MMP26: variants seen among roughly 807,000 people sequenced by gnomAD.
MMP26 encodes matrix metallopeptidase 26.
A neutral mutation model predicts 31.0 loss-of-function variants in MMP26; 33 were observed. The observed-to-expected ratio is 1.06, with a 90% CI of 0.81 to 1.42. The LOEUF (loss-of-function observed/expected upper bound fraction) is 1.42, where lower values mean the gene tolerates loss of function less well. Among genes scored for constraint, MMP26 ranks in the 40% most tolerant of loss-of-function variants. The pLI, the probability that MMP26 is intolerant of heterozygous loss-of-function variation, is 0.00. For synonymous variants in MMP26, 122 were observed against 114.9 expected, an observed-to-expected ratio of 1.06 and a Z score of -0.40; for missense variants, 347 against 316.1, an observed-to-expected ratio of 1.10 and a Z score of -0.74.
chr11:4,849,112 A>G (rs535844795), intron 2 of MMP26: 1 of 1,614,104 alleles, frequency 6.2e-7, no homozygotes, highest in South Asian at 1.1e-5. Context: ...GTCCACCAGG[A>G]GGGTGCACCT....
chr11:4,763,707 G>T (rs1156813639), intron 1 of MMP26, among the ~76,000 whole-genome samples: 1 of 152,100 alleles, frequency 6.6e-6, no homozygotes, highest in Non-Finnish European at 1.5e-5. Context: ...CTTAGTTTTG[G>T]CTAATGGGTT....
intron 2 of MMP26, among the ~76,000 whole-genome samples, chr11:4,906,605 G>T (rs565578774): frequency 1.3e-5 from 2 of 151,920 alleles, no homozygotes; most frequent in Non-Finnish European, 2.9e-5. Context: ...CCAAATATTC[G>T]CAGTGATCTC....
At chr11:4,859,953 G>A (rs779325810) in intron 2 of MMP26, 25 of 470,934 alleles carry the variant, frequency 5.3e-5, no homozygotes, top group Admixed American at 9.4e-5. Flanking sequence ...TGAAGATGAC[G>A]ACGATGAGGC....
At chr11:4,813,585 G>A (rs1171411810) in intron 2 of MMP26, among the ~76,000 whole-genome samples, 1 of 151,666 alleles carries the variant, frequency 6.6e-6, no homozygotes, top group Non-Finnish European at 1.5e-5. Context: ...ATGTTTTTAT[G>A]GTGCTAGAAC....
intron 2 of MMP26, among the ~76,000 whole-genome samples, chr11:4,808,114 A>C (rs1407550457): frequency 6.6e-6 from 1 of 152,074 alleles, no homozygotes; most frequent in Non-Finnish European, 1.5e-5. Context: ...CCCAAATTTT[A>C]TTGTTTCTAA....
At chr11:4,972,459 T>C (rs1014162532) in intron 2 of MMP26, among the ~76,000 whole-genome samples, 4 of 152,192 alleles carry the variant, frequency 2.6e-5, no homozygotes, top group African/African-American at 9.7e-5. Flanking sequence ...CATGTATGCA[T>C]GTTAGTTTTT....
chr11:4,945,473 A>C (rs1237904473), intron 2 of MMP26: 1 of 151,268 alleles, frequency 6.6e-6, no homozygotes, highest in Non-Finnish European at 1.5e-5. Flanking sequence ...TATTTCTAAC[A>C]AAGGAAGAGT....
intron 2 of MMP26, among the ~76,000 whole-genome samples, chr11:4,975,678 T>G (rs1846727544): frequency 2.0e-5 from 3 of 152,024 alleles, no homozygotes; most frequent in African/African-American, 7.3e-5. Context: ...CACAGCCAGT[T>G]CAGGCTTCAC....
chr11:4,779,907 C>T (rs1353860890), intron 2 of MMP26, among the ~76,000 whole-genome samples: 2 of 152,028 alleles, frequency 1.3e-5, no homozygotes, highest in African/African-American at 4.8e-5. Flanking sequence ...TATTTTTTTC[C>T]AGTAACTGAA....
chr11:4,718,371 G>A (rs1847964756), intron 1 of MMP26, among the ~76,000 whole-genome samples: 1 of 152,120 alleles, frequency 6.6e-6, no homozygotes, highest in African/African-American at 2.4e-5. Flanking sequence ...TGCTCTCTTT[G>A]TTTTTGTGCA....
intron 2 of MMP26, among the ~76,000 whole-genome samples, chr11:4,790,523 G>C (rs1192764281): frequency 5.3e-5 from 8 of 152,142 alleles, no homozygotes; most frequent in Non-Finnish European, 4.4e-5. Flanking sequence ...ATTTCTTCCA[G>C]AAGAAGGTAT....
At chr11:4,750,719 T>C (rs1848436856) in intron 1 of MMP26, among the ~76,000 whole-genome samples, 1 of 151,934 alleles carries the variant, frequency 6.6e-6, no homozygotes, top group South Asian at 2.1e-4. Context: ...GGATAAATAA[T>C]GTGCACATAT....
chr11:4,818,480 CTGTCTT>C (rs139283719), intron 2 of MMP26, among the ~76,000 whole-genome samples: 1,863 of 151,766 alleles, frequency 0.012, 38 homozygotes, highest in African/African-American at 0.041. Flanking sequence ...ATTTTCTTGA[CTGTCTT>C]TGAAAAAAAG....
intron 1 of MMP26, among the ~76,000 whole-genome samples, chr11:4,745,082 G>T (rs1343720251): frequency 1.3e-5 from 2 of 151,968 alleles, no homozygotes; most frequent in African/African-American, 4.8e-5. Context: ...ATTAAAATTC[G>T]ATGTTATGAA....
At chr11:4,754,969 A>G (rs1206238748) in intron 1 of MMP26, among the ~76,000 whole-genome samples, 1 of 151,952 alleles carries the variant, frequency 6.6e-6, no homozygotes, top group East Asian at 1.9e-4. Context: ...TAATAGCTCT[A>G]TGGTAGCTCT....
rs1846490913 is a variant in MMP26 at position 4,959,424 on chromosome 11, C to T, written c.-144-28644C>T. On this transcript the variant is annotated intron_variant, in intron 2 of 7. Transcript: ENST00000380390. Reference sequence around the variant, plus strand: ...TATGAGTTTGACCATTCTGTCTTCTCTTAATAAAAGTCAGAAAAATCTTCC... The same window carrying T: ...TATGAGTTTGACCATTCTGTCTTCTTTTAATAAAAGTCAGAAAAATCTTCC... 2.0e-5 allele frequency among the ~76,000 whole-genome samples: 3 copies of T among 152,188 alleles called. No homozygotes were observed. The South Asian group carries it at 6.2e-4, about 32-fold the overall frequency.
chr11:4,906,452 G>A (rs879896232), intron 2 of MMP26, among the ~76,000 whole-genome samples: 5 of 152,100 alleles, frequency 3.3e-5, no homozygotes, highest in Non-Finnish European at 5.9e-5. Flanking sequence ...AACAGAAATC[G>A]TTGTTTATTT....
intron 2 of MMP26, chr11:4,907,556 C>T: frequency 6.2e-7 from 1 of 1,614,082 alleles, no homozygotes; most frequent in Non-Finnish European, 8.5e-7. Flanking sequence ...GTATTATTTC[C>T]TTGCCATGTT....
chr11:4,736,136 A>G (rs1023382406), intron 1 of MMP26: 6 of 152,170 alleles, frequency 3.9e-5, no homozygotes, highest in Admixed American at 3.9e-4. Flanking sequence ...AGTAGATTTT[A>G]TTTCAGAAGT....
Sources: allele counts gnomAD v4.1 joint callset (sites outside exome capture counted in the v4.1 genomes callset), GRCh38; gene constraint gnomAD v4.1.1; transcripts MANE v1.5; gene names NCBI Gene and HGNC (gene_info 2026-07-23, HGNC 2026-07-21).